ROBO2: variants seen among roughly 807,000 people sequenced by gnomAD.
The protein encoded by ROBO2 is roundabout guidance receptor 2, also known as roundabout homolog 2.
Under a neutral mutation model 160.8 loss-of-function variants are expected in ROBO2, and 53 were observed. The observed-to-expected ratio is 0.33, with a 90% CI of 0.26 to 0.41. The LOEUF (loss-of-function observed/expected upper bound fraction) is 0.41, where lower values mean the gene tolerates loss of function less well. ROBO2 is among the 10% of genes least tolerant of loss of function. The probability of loss-of-function intolerance (pLI) is 1.00; values close to 1 mark genes in which losing one functional copy is unlikely to be tolerated. For missense variants in ROBO2, 1,577 were observed against 1,722.4 expected, an observed-to-expected ratio of 0.92 and a Z score of 1.49; for synonymous variants, 664 against 611.7, an observed-to-expected ratio of 1.09 and a Z score of -1.26.
At chr3:77,218,727 C>A (rs553873304) in intron 2 of ROBO2, among the ~76,000 whole-genome samples, 1 of 152,154 alleles carries the variant, frequency 6.6e-6, no homozygotes, top group Non-Finnish European at 1.5e-5. Flanking sequence ...TCACCCTCTT[C>A]TTTTCCATTA....
chr3:77,451,492 G>T (rs747243748), intron 2 of ROBO2, among the ~76,000 whole-genome samples: 13 of 152,072 alleles, frequency 8.5e-5, no homozygotes, highest in Non-Finnish European at 4.4e-5. Flanking sequence ...GGTCCATAGG[G>T]TACAGGTATG....
At chr3:76,762,703 A>G (rs2061374203) in intron 2 of ROBO2, among the ~76,000 whole-genome samples, 1 of 151,674 alleles carries the variant, frequency 6.6e-6, no homozygotes, top group Non-Finnish European at 1.5e-5. Flanking sequence ...CAGAACTTGA[A>G]CATTCATAAC....
chr3:77,616,170 C>G (rs1478491704), intron 21 of ROBO2, among the ~76,000 whole-genome samples: 1 of 152,042 alleles, frequency 6.6e-6, no homozygotes, highest in African/African-American at 2.4e-5. Flanking sequence ...GAAGACTTCA[C>G]AAAACTGATG....
At chr3:76,739,083 G>A (rs577236841) in intron 2 of ROBO2, among the ~76,000 whole-genome samples, 2 of 152,142 alleles carry the variant, frequency 1.3e-5, no homozygotes, top group South Asian at 2.1e-4. Flanking sequence ...GATTCCTCAG[G>A]GATCTAGAAC....
chr3:76,720,640 A>G (rs1392431174), intron 2 of ROBO2, among the ~76,000 whole-genome samples: 1 of 152,252 alleles, frequency 6.6e-6, no homozygotes, highest in Non-Finnish European at 1.5e-5. Context: ...TAAAGAAGCT[A>G]TAGACTAGTG....
chr3:77,260,773 C>T (rs2058723738), intron 2 of ROBO2, among the ~76,000 whole-genome samples: 1 of 152,116 alleles, frequency 6.6e-6, no homozygotes, highest in Non-Finnish European at 1.5e-5. Context: ...GATCATCGAG[C>T]CCCCGAAATG....
chr3:76,349,139 A>G (rs1380263990), intron 2 of ROBO2, among the ~76,000 whole-genome samples: 5 of 152,118 alleles, frequency 3.3e-5, no homozygotes, highest in South Asian at 2.1e-4. Flanking sequence ...CTTTTGATCA[A>G]TTGAGCCTAA....
At chr3:76,130,579 G>A (rs1033187482) in intron 2 of ROBO2, among the ~76,000 whole-genome samples, 4 of 151,960 alleles carry the variant, frequency 2.6e-5, no homozygotes, top group African/African-American at 9.7e-5. Flanking sequence ...TGTATTCAGG[G>A]AAGGAAGATT....
intron 2 of ROBO2, among the ~76,000 whole-genome samples, chr3:76,811,842 C>G: frequency 2.9e-5 from 1 of 34,862 alleles, no homozygotes; most frequent in South Asian, 1.1e-3. Context: ...TCCTTCTTTC[C>G]TTCCTTCCTT....
At chr3:77,033,834 A>G (rs2063467457) in intron 2 of ROBO2, among the ~76,000 whole-genome samples, 1 of 152,106 alleles carries the variant, frequency 6.6e-6, no homozygotes, top group Admixed American at 6.5e-5. Flanking sequence ...AATATATATT[A>G]GATGAAGTGT....
chr3:76,290,626 T>C (rs1410437441), intron 2 of ROBO2, among the ~76,000 whole-genome samples: 2 of 152,156 alleles, frequency 1.3e-5, no homozygotes, highest in Non-Finnish European at 2.9e-5. Context: ...CTTCCAGGTG[T>C]CATCTGTTCA....
At chr3:76,006,466 G>A (rs1385797340) in intron 2 of ROBO2, among the ~76,000 whole-genome samples, 1 of 152,066 alleles carries the variant, frequency 6.6e-6, no homozygotes, top group East Asian at 1.9e-4. Context: ...TCAGCATTCG[G>A]TAAAGGGAAG....
chr3:77,111,573 C>T (rs2073582070), intron 2 of ROBO2, among the ~76,000 whole-genome samples: 1 of 152,084 alleles, frequency 6.6e-6, no homozygotes, highest in Non-Finnish European at 1.5e-5. Context: ...ATACATTTAA[C>T]TTGTGATACA....
chr3:77,635,983 C>A (rs546555558), intron 24 of ROBO2, among the ~76,000 whole-genome samples: 1 of 152,186 alleles, frequency 6.6e-6, no homozygotes, highest in South Asian at 2.1e-4. Flanking sequence ...ATAGAGGGTG[C>A]CTTTTCATTG....
At chr3:77,556,815 C>T (rs2093139356) in intron 8 of ROBO2, among the ~76,000 whole-genome samples, 1 of 151,668 alleles carries the variant, frequency 6.6e-6, no homozygotes, top group Non-Finnish European at 1.5e-5. Flanking sequence ...CTTTTATATA[C>T]TACATGTATT....
intron 2 of ROBO2, among the ~76,000 whole-genome samples, chr3:76,957,035 G>T (rs879664368): frequency 6.6e-6 from 1 of 151,942 alleles, no homozygotes; most frequent in Non-Finnish European, 1.5e-5. Context: ...CTTACGTTTA[G>T]GCACATCTTT....
chr3:77,542,334 T>C (rs552652416), intron 6 of ROBO2, among the ~76,000 whole-genome samples: 1 of 152,344 alleles, frequency 6.6e-6, no homozygotes, highest in Admixed American at 6.5e-5. Flanking sequence ...TTTCACAGAC[T>C]TGAATACTCT....
At position 77,335,288 on chromosome 3, in the gene ROBO2, T is replaced by A. The variant is rs530748467; in HGVS notation, c.389-142126T>A. ...CGGGCACGCTGATGCATACTTGTAA[T>A]CCCAGCTACTCCGGAGGCTGAGGCA... On this transcript the variant is annotated intron_variant, in intron 2 of 25. Coordinates refer to ENST00000461745, the Ensembl canonical transcript of ROBO2. 3.9e-5 allele frequency among the ~76,000 whole-genome samples: 6 copies of A among 152,204 alleles called. No homozygotes were observed. The South Asian group carries it at 1.2e-3, about 32-fold the overall frequency.
chr3:77,544,554 G>C (rs1403670269), intron 6 of ROBO2, among the ~76,000 whole-genome samples: 1 of 152,070 alleles, frequency 6.6e-6, no homozygotes, highest in Non-Finnish European at 1.5e-5. Flanking sequence ...GAATTGTCTG[G>C]AAAAATGCTG....
Sources: gnomAD v4.1 joint callset for allele counts (sites outside exome capture counted in the v4.1 genomes callset) on GRCh38, gnomAD v4.1.1 for gene constraint, MANE v1.5 for transcripts, NCBI Gene and HGNC (gene_info 2026-07-23, HGNC 2026-07-21) for gene names.